Variants in SEC24B observed in about 807,000 individuals in gnomAD.
SEC24B encodes the protein protein transport protein Sec24B.
SEC24B carries 45 observed loss-of-function variants against 142.8 expected under a neutral mutation model. The ratio of observed to expected loss-of-function variants is 0.32; its 90% CI spans 0.25 to 0.40. SEC24B has a LOEUF of 0.40. Ranked by LOEUF, SEC24B falls within the 10% of genes least tolerant of loss-of-function variation. The pLI, the probability that SEC24B is intolerant of heterozygous loss-of-function variation, is 1.00. For missense variants in SEC24B, 1,409 were observed against 1,526.8 expected (o/e 0.92, Z 1.29); for synonymous variants, 574 against 568.2 (o/e 1.01, Z -0.15).
chr4:109,433,865 C>T lies in SEC24B; in HGVS notation c.-5C>T. 1 of 1,329,658 alleles carries T rather than the reference C, an allele frequency of 7.5e-7. No individual in the cohort carries two copies. Among genetic ancestry groups the T allele is most frequent in the Non-Finnish European group, 9.6e-7 (1 of 1,037,340 alleles). 82.4% of individuals were successfully genotyped at this position (1,329,658 alleles called of 1,614,324 possible). ...AGCGGAGCCGCCGTCGCCACCAGCG[C>T]CGTCATGTCGGCCCCCGCCGGGTCC... On this transcript the variant is annotated 5_prime_UTR_variant, in exon 1 of 24. Coordinates refer to ENST00000265175, the MANE Select transcript of SEC24B (RefSeq NM_006323.5).
Position 109,539,905 on chromosome 4 carries a change from T to C in SEC24B, c.*230T>C. 2.0e-6 allele frequency: 1 copy of C among 493,110 alleles called. No individual in the cohort carries two copies. The allele number at this position is 493,110 out of a possible 1,614,324, so 30.5% of individuals were successfully genotyped here. A position where few individuals can be genotyped will look rare whatever the true frequency, so the allele number is the denominator to read the frequency against. On this transcript the variant is annotated 3_prime_UTR_variant, in exon 24 of 24. Coordinates refer to ENST00000265175, the MANE Select transcript of SEC24B (RefSeq NM_006323.5). ...CTGTTTCACCAAGTATATTTTGAAT[T>C]GGTTTCTACACATTTCCAGTAGTAT...
chr4:109,524,257 C>A (rs1048150540), intron 14 of SEC24B, among the ~76,000 whole-genome samples: 3 of 152,030 alleles, frequency 2.0e-5, no homozygotes, highest in African/African-American at 7.2e-5. Flanking sequence ...TTAGAGTAAG[C>A]TCTAATATAA....
intron 11 of SEC24B, among the ~76,000 whole-genome samples, chr4:109,518,452 A>G (rs766513522): frequency 6.6e-5 from 10 of 152,182 alleles, no homozygotes; most frequent in Non-Finnish European, 1.5e-4. Flanking sequence ...CTTTGTCCCA[A>G]GTACTTTGGT....
At chr4:109,434,620 G>A (rs1324113555) in intron 1 of SEC24B, among the ~76,000 whole-genome samples, 2 of 152,218 alleles carry the variant, frequency 1.3e-5, no homozygotes, top group East Asian at 3.9e-4. Context: ...CCCTGACCCA[G>A]TTCGGCCTCA....
At position 109,521,727 on chromosome 4, in the gene SEC24B, T is replaced by C. The variant is rs1484033699; in HGVS notation, c.2508+101T>C. 4.1e-6 allele frequency: 4 copies of C among 980,756 alleles called. No homozygotes were observed. The African/African-American group carries it at 4.9e-5, about 12-fold the overall frequency. 60.8% of individuals were successfully genotyped at this position (980,756 alleles called of 1,614,324 possible). A position where few individuals can be genotyped will look rare whatever the true frequency, so the allele number is the denominator to read the frequency against. On this transcript the variant is annotated intron_variant, in intron 14 of 23. Transcript: ENST00000265175. ...TACTGGCAAGAGAGTTGGGTTTTTT[T>C]GTTTGTTTTTTGTTTCTTTTTTGAG... is the stretch of plus-strand genomic sequence containing the variant.
At chr4:109,534,829 C>A (rs991053972) in intron 22 of SEC24B, among the ~76,000 whole-genome samples, 16 of 152,206 alleles carry the variant, frequency 1.1e-4, no homozygotes, top group African/African-American at 3.6e-4. Flanking sequence ...AGTATGCCAC[C>A]ACACTTGGCT....
Position 109,524,957 on chromosome 4 carries a change from A to G in SEC24B, c.2632+16A>G, listed in dbSNP as rs763888590. 2 of 1,597,854 alleles carry G rather than the reference A, an allele frequency of 1.3e-6. No individual in the cohort carries two copies. The highest frequency in any genetic ancestry group is 2.2e-5 in the East Asian group (1 of 44,528). ...GCTTCTCTAGGTAAGGAAAGTCATC[A>G]TGGGTACATTTGTTTAAATGAACAT... On this transcript the variant is annotated intron_variant, in intron 15 of 23. Transcript: ENST00000265175.
intron 18 of SEC24B, among the ~76,000 whole-genome samples, chr4:109,528,582 G>A (rs1427341269): frequency 6.6e-6 from 1 of 152,122 alleles, no homozygotes; most frequent in East Asian, 1.9e-4. Flanking sequence ...TTGTAGTGAT[G>A]GAACTATTGT....
chr4:109,483,050 ATGTATT>A (rs200480254), intron 4 of SEC24B, among the ~76,000 whole-genome samples: 12,494 of 130,708 alleles, frequency 0.096, 2,523 homozygotes, highest in African/African-American at 0.36. Context: ...ATATGTATTT[ATGTATT>A]TATATATATA....
rs570079358 is a variant in SEC24B, at chr4:109,489,477, A to G, written c.1166-1850A>G. Among the ~76,000 whole-genome samples the G allele has an allele frequency of 3.3e-5, 5 of 151,338 alleles. No homozygotes were observed. The South Asian group carries it at 8.3e-4, about 25-fold the overall frequency. ...ACATGTACAGTGTTGTGCAGTCCCCACTTCTATTTAGCTCTATCTAATTTT... is the reference window on the plus strand; with the variant it reads ...ACATGTACAGTGTTGTGCAGTCCCCGCTTCTATTTAGCTCTATCTAATTTT... On this transcript the variant is annotated intron_variant, in intron 4 of 23. Transcript: ENST00000265175.
chr4:109,453,309 G>C (rs1164635996), intron 1 of SEC24B, among the ~76,000 whole-genome samples: 1 of 152,116 alleles, frequency 6.6e-6, no homozygotes, highest in Non-Finnish European at 1.5e-5. Context: ...CAGAGAACCA[G>C]TCTGACTAGA....
At chr4:109,488,805 A>T (rs962442803) in intron 4 of SEC24B, 2 of 167,514 alleles carry the variant, frequency 1.2e-5, no homozygotes, top group Non-Finnish European at 2.9e-5. Context: ...ATCCTAGTGG[A>T]TGTGAAATGT....
At position 109,460,360 on chromosome 4, in the gene SEC24B, A is replaced by C. The variant is rs557715032; in HGVS notation, c.134-2541A>C. On this transcript the variant is annotated intron_variant, in intron 1 of 23. Transcript: ENST00000265175. ...TTGTGTACTTGTGTCAGTGGAGCTA[A>C]AACATCTTGTCAATTTTCTATTAAA... 4.6e-5 allele frequency among the ~76,000 whole-genome samples: 7 copies of C among 152,274 alleles called. No homozygotes were observed. The South Asian group carries it at 1.5e-3, about 32-fold the overall frequency.
intron 10 of SEC24B, among the ~76,000 whole-genome samples, chr4:109,515,866 C>G (rs924769871): frequency 2.7e-4 from 40 of 148,714 alleles, no homozygotes; most frequent in Non-Finnish European, 4.6e-4. Context: ...ATAGTGAACC[C>G]CCCCCCACCC....
intron 1 of SEC24B, among the ~76,000 whole-genome samples, chr4:109,448,294 A>G (rs536371847): frequency 1.8e-4 from 27 of 152,244 alleles, no homozygotes; most frequent in South Asian, 1.5e-3. Context: ...GCATCAAACC[A>G]GGGAGTAACA....
intron 8 of SEC24B, among the ~76,000 whole-genome samples, chr4:109,510,560 G>GTTCTTT: frequency 6.6e-6 from 1 of 152,144 alleles, no homozygotes; most frequent in Non-Finnish European, 1.5e-5. Flanking sequence ...CTGGAAGGTA[G>GTTCTTT]ATACACTTTC....
intron 1 of SEC24B, among the ~76,000 whole-genome samples, chr4:109,449,740 T>C (rs1729869009): frequency 6.6e-6 from 1 of 152,098 alleles, no homozygotes; most frequent in Non-Finnish European, 1.5e-5. Flanking sequence ...GTAAACCTGA[T>C]TACCTCCCAA....
intron 3 of SEC24B, among the ~76,000 whole-genome samples, chr4:109,478,775 T>C (rs1233275093): frequency 6.6e-6 from 1 of 152,226 alleles, no homozygotes; most frequent in Non-Finnish European, 1.5e-5. Context: ...GTGTTTCCTT[T>C]GTAAAATAAA....
At chr4:109,505,803 C>T (rs1736618443) in intron 6 of SEC24B, among the ~76,000 whole-genome samples, 1 of 152,142 alleles carries the variant, frequency 6.6e-6, no homozygotes, top group Non-Finnish European at 1.5e-5. Flanking sequence ...CTGGGGCCAT[C>T]TTGAAAGGGC....
Sources: allele counts gnomAD v4.1 joint callset (sites outside exome capture counted in the v4.1 genomes callset), GRCh38; gene constraint gnomAD v4.1.1; transcripts MANE v1.5; gene names NCBI Gene and HGNC (gene_info 2026-07-23, HGNC 2026-07-21).